Variants in CTNNA3 observed in about 807,000 individuals in gnomAD.
CTNNA3 encodes catenin alpha 3.
In CTNNA3, 76 loss-of-function variants were observed where a neutral mutation model predicts 95.7. The observed-to-expected ratio is 0.79, with a 90% CI of 0.66 to 0.96. CTNNA3 has a LOEUF of 0.96. Ranked by LOEUF, CTNNA3 falls within the 40% of genes least tolerant of loss-of-function variation. The pLI is 0.00. For synonymous variants in CTNNA3, 431 were observed against 374.4 expected, an observed-to-expected ratio of 1.15 and a Z score of -1.74; for missense variants, 1,191 against 1,089.8, an observed-to-expected ratio of 1.09 and a Z score of -1.31.
intron 7 of CTNNA3, among the ~76,000 whole-genome samples, chr10:66,965,195 C>T (rs149096889): frequency 3.3e-3 from 507 of 152,186 alleles, no homozygotes; most frequent in Middle Eastern, 0.014. Flanking sequence ...GTACTAGTCT[C>T]CTCCAGGTTG....
At chr10:66,653,921 C>A (rs1009005692) in intron 9 of CTNNA3, among the ~76,000 whole-genome samples, 1 of 151,980 alleles carries the variant, frequency 6.6e-6, no homozygotes, top group Non-Finnish European at 1.5e-5. Context: ...TGAAATTAGA[C>A]CCTTTTCACA....
intron 5 of CTNNA3, among the ~76,000 whole-genome samples, chr10:67,353,006 G>C (rs1417115479): frequency 6.6e-6 from 1 of 151,948 alleles, no homozygotes; most frequent in Non-Finnish European, 1.5e-5. Flanking sequence ...GAAAACCTAA[G>C]TGTCACATCT....
chr10:66,418,411 C>T (rs1024584005), intron 11 of CTNNA3, among the ~76,000 whole-genome samples: 1 of 125,730 alleles, frequency 8.0e-6, no homozygotes, highest in African/African-American at 3.7e-5. Flanking sequence ...CAGGTCTGGA[C>T]TGATTTACTG....
chr10:66,086,616 C>A (rs2080995319), intron 14 of CTNNA3, among the ~76,000 whole-genome samples: 1 of 152,038 alleles, frequency 6.6e-6, no homozygotes, highest in Admixed American at 6.6e-5. Context: ...CCACAAAAAA[C>A]TTACCATCCA....
At chr10:67,762,378 C>CA (rs201323708) in intron 1 of CTNNA3, among the ~76,000 whole-genome samples, 18 of 149,294 alleles carry the variant, frequency 1.2e-4, no homozygotes, top group Non-Finnish European at 1.8e-4. Context: ...TTCCCCTCCC[C>CA]CCCCCAAAAA....
At chr10:67,576,539 T>A (rs1182733216) in intron 3 of CTNNA3, among the ~76,000 whole-genome samples, 3 of 146,480 alleles carry the variant, frequency 2.0e-5, no homozygotes, top group Non-Finnish European at 4.4e-5. Flanking sequence ...ATTCAGATAG[T>A]TTCTTTATTT....
At chr10:67,361,460 C>A (rs9415873) in intron 5 of CTNNA3, among the ~76,000 whole-genome samples, 109,045 of 152,092 alleles carry the variant, frequency 0.72, 43,165 homozygotes, top group Non-Finnish European at 0.88. Flanking sequence ...CAAATCAATA[C>A]CAATTAAACA....
At chr10:67,658,567 AC>A (rs1410932899) in intron 1 of CTNNA3, among the ~76,000 whole-genome samples, 5 of 152,212 alleles carry the variant, frequency 3.3e-5, no homozygotes, top group Admixed American at 6.5e-5. Context: ...CATATTTCCT[AC>A]ATGTGCACTA....
intron 9 of CTNNA3, among the ~76,000 whole-genome samples, chr10:66,645,180 G>C (rs1183021547): frequency 6.6e-6 from 1 of 151,660 alleles, no homozygotes; most frequent in Non-Finnish European, 1.5e-5. Context: ...TTCTCACATG[G>C]TTTTCACAAA....
intron 9 of CTNNA3, among the ~76,000 whole-genome samples, chr10:66,738,475 A>T (rs1473806496): frequency 1.3e-5 from 2 of 152,154 alleles, no homozygotes; most frequent in Non-Finnish European, 2.9e-5. Flanking sequence ...TCTGTAGTGA[A>T]TTTGTCTTTT....
At chr10:66,245,647 A>C (rs60234157) in intron 13 of CTNNA3, among the ~76,000 whole-genome samples, 32,607 of 152,108 alleles carry the variant, frequency 0.21, 3,687 homozygotes, top group South Asian at 0.29. Context: ...AGAAGAGACC[A>C]AGGAGTGGGA....
chr10:66,884,233 A>C (rs1051367176), intron 7 of CTNNA3, among the ~76,000 whole-genome samples: 2 of 152,132 alleles, frequency 1.3e-5, no homozygotes, highest in Admixed American at 6.6e-5. Flanking sequence ...TTTCATATGA[A>C]GTTTAAAGGG....
At chr10:66,739,959 A>G (rs1375264389) in intron 9 of CTNNA3, among the ~76,000 whole-genome samples, 1 of 152,188 alleles carries the variant, frequency 6.6e-6, no homozygotes, top group Non-Finnish European at 1.5e-5. Flanking sequence ...AGCCCTCCTG[A>G]GACAACATTA....
intron 9 of CTNNA3, among the ~76,000 whole-genome samples, chr10:66,679,089 G>A (rs886452464): frequency 5.9e-5 from 9 of 152,172 alleles, no homozygotes; most frequent in African/African-American, 2.2e-4. Flanking sequence ...GCAGCATGAT[G>A]TAGGATATCT....
At chr10:67,151,893 G>A (rs1861102389) in intron 7 of CTNNA3, among the ~76,000 whole-genome samples, 1 of 152,078 alleles carries the variant, frequency 6.6e-6, no homozygotes, top group Non-Finnish European at 1.5e-5. Context: ...ATTCCCCTAG[G>A]GGATAACATG....
chr10:67,048,742 TAGACAAC>T (rs1272911986), intron 7 of CTNNA3, among the ~76,000 whole-genome samples: 10 of 152,102 alleles, frequency 6.6e-5, no homozygotes, highest in African/African-American at 2.4e-4. Flanking sequence ...CAAAGTGAGG[TAGACAAC>T]AGAAAATGCC....
intron 5 of CTNNA3, among the ~76,000 whole-genome samples, chr10:67,382,659 A>G (rs1843992204): frequency 6.6e-6 from 1 of 152,148 alleles, no homozygotes; most frequent in Non-Finnish European, 1.5e-5. Flanking sequence ...GTCCATTTGC[A>G]TTGTTATAAA....
chr10:66,243,466 T>C (rs1437527633), intron 13 of CTNNA3, among the ~76,000 whole-genome samples: 5 of 152,214 alleles, frequency 3.3e-5, no homozygotes, highest in East Asian at 3.9e-4. Flanking sequence ...ACCCCTTATC[T>C]TAACCCAGAC....
intron 7 of CTNNA3, among the ~76,000 whole-genome samples, chr10:67,102,136 A>G (rs1253255641): frequency 2.0e-5 from 3 of 151,764 alleles, no homozygotes; most frequent in Non-Finnish European, 2.9e-5. Flanking sequence ...TGGTCTTGCA[A>G]TAAGAAAGAG....
Sources: gnomAD v4.1 joint callset for allele counts (sites outside exome capture counted in the v4.1 genomes callset) on GRCh38, gnomAD v4.1.1 for gene constraint, MANE v1.5 for transcripts, NCBI Gene and HGNC (gene_info 2026-07-23, HGNC 2026-07-21) for gene names.